Variants in WDR72 observed in about 807,000 individuals in gnomAD.
WDR72 encodes WD repeat-containing protein 72.
In WDR72, 120 loss-of-function variants were observed where a neutral mutation model predicts 124.2. The ratio of observed to expected loss-of-function variants is 0.97; its 90% CI spans 0.83 to 1.12. The LOEUF is 1.12. WDR72 is among the 50% of genes most tolerant of loss of function. WDR72 has a pLI of 0.00. For missense variants in WDR72, 1,387 were observed against 1,278.8 expected (o/e 1.08, Z -1.29); for synonymous variants, 452 against 441.7 (o/e 1.02, Z -0.29).
At chr15:53,653,724 A>G (rs1398322616) in intron 14 of WDR72, among the ~76,000 whole-genome samples, 24 of 152,304 alleles carry the variant, frequency 1.6e-4, no homozygotes. Flanking sequence ...TATTTCATAA[A>G]CAGTTATGTG....
chr15:53,514,611 C>G lies in WDR72; in HGVS notation c.*3088G>C, dbSNP rs1023162584. On this transcript the variant is annotated 3_prime_UTR_variant, in exon 20 of 20. Transcript: ENST00000360509. ...TAATATTTAACAAACTGTATTCTAC[C>G]ATTTTTCTAATACCATCATGTTCAA... 6.6e-6 allele frequency: 1 copy of G among 152,030 alleles called. No individual in the cohort carries two copies. Among genetic ancestry groups the G allele is most frequent in the Non-Finnish European group, 1.5e-5 (1 of 67,996 alleles). The allele number at this position is 152,030 out of a possible 1,614,324, so 9.4% of individuals were successfully genotyped here. A position where few individuals can be genotyped will look rare whatever the true frequency, so the allele number is the denominator to read the frequency against.
chr15:53,760,702 A>G (rs2019046090), upstream of WDR72, among the ~76,000 whole-genome samples: 1 of 152,144 alleles, frequency 6.6e-6, no homozygotes, highest in Middle Eastern at 3.2e-3. Context: ...ATACCTAGCA[A>G]TCGGGTTGCT....
intron 18 of WDR72, among the ~76,000 whole-genome samples, chr15:53,527,714 C>T (rs1906417): frequency 0.86 from 131,289 of 152,002 alleles, 56,740 homozygotes; most frequent in East Asian, 0.91. Flanking sequence ...TAAACCACTG[C>T]AGTACCAGAC....
rs1891451263 is a variant in WDR72, at chr15:53,516,175, G to C, written c.*1524C>G. The stretch of plus-strand genomic sequence containing the variant: ...GATTATTCATATTAATGCTATGTTA[G>C]TTTCTAAACTTCAACTCAAATGTAA... On this transcript the variant is annotated 3_prime_UTR_variant, in exon 20 of 20. Coordinates refer to ENST00000360509, the MANE Select transcript of WDR72 (RefSeq NM_182758.4). 1 of 152,044 alleles carries C rather than the reference G, an allele frequency of 6.6e-6. No homozygotes were observed. Among genetic ancestry groups the C allele is most frequent in the Non-Finnish European group, 1.5e-5 (1 of 67,990 alleles). The allele number at this position is 152,044 out of a possible 1,614,324, so 9.4% of individuals were successfully genotyped here.
intron 18 of WDR72, among the ~76,000 whole-genome samples, chr15:53,548,905 T>G (rs1893607541): frequency 6.6e-6 from 1 of 152,060 alleles, no homozygotes; most frequent in South Asian, 2.1e-4. Flanking sequence ...TTCATCTTCT[T>G]TATATCAACA....
intron 18 of WDR72, among the ~76,000 whole-genome samples, chr15:53,538,399 T>A (rs775084423): frequency 7.2e-5 from 11 of 152,218 alleles, no homozygotes; most frequent in Non-Finnish European, 1.3e-4. Flanking sequence ...AATGCTAGTA[T>A]TGAAACTGAA....
At chr15:53,572,509 G>C (rs1420208343) in intron 18 of WDR72, among the ~76,000 whole-genome samples, 1 of 152,048 alleles carries the variant, frequency 6.6e-6, no homozygotes, top group African/African-American at 2.4e-5. Context: ...AAAATATTTG[G>C]GATCTAGGGC....
intron 14 of WDR72, among the ~76,000 whole-genome samples, chr15:53,624,724 A>G (rs1004257993): frequency 1.3e-5 from 2 of 152,232 alleles, no homozygotes; most frequent in African/African-American, 2.4e-5. Flanking sequence ...CCATTAGAAT[A>G]TAAGTATAAA....
At chr15:53,617,024 T>C (rs1159652969) in intron 14 of WDR72, among the ~76,000 whole-genome samples, 3 of 151,964 alleles carry the variant, frequency 2.0e-5, no homozygotes, top group Non-Finnish European at 4.4e-5. Context: ...TACAAAACAA[T>C]GCTTCTATAC....
At chr15:53,631,566 G>T (rs576155643) in intron 14 of WDR72, among the ~76,000 whole-genome samples, 2 of 152,296 alleles carry the variant, frequency 1.3e-5, no homozygotes, top group South Asian at 4.1e-4. Flanking sequence ...GAAGAAGACA[G>T]GAAGATGAGG....
chr15:53,708,469 T>G (rs1253125870), intron 9 of WDR72, among the ~76,000 whole-genome samples: 1 of 152,192 alleles, frequency 6.6e-6, no homozygotes, highest in Non-Finnish European at 1.5e-5. Flanking sequence ...CCTATTCAAT[T>G]AATTTTAACA....
intron 1 of WDR72, among the ~76,000 whole-genome samples, chr15:53,735,884 A>G (rs2018339490): frequency 6.6e-6 from 1 of 152,074 alleles, no homozygotes; most frequent in East Asian, 1.9e-4. Flanking sequence ...AAAACCTACA[A>G]AAGGTAGACT....
At chr15:53,684,099 C>T (rs533171209) in intron 13 of WDR72, 11 of 152,020 alleles carry the variant, frequency 7.2e-5, no homozygotes, top group African/African-American at 2.4e-4. Flanking sequence ...TCTTTGTATA[C>T]GTTAATATAT....
intron 9 of WDR72, among the ~76,000 whole-genome samples, chr15:53,709,083 C>T (rs1209607189): frequency 2.6e-5 from 4 of 152,210 alleles, no homozygotes; most frequent in African/African-American, 9.7e-5. Flanking sequence ...GCTTACAGAG[C>T]AGTCTTTTCT....
At chr15:53,690,426 T>C (rs73410184) in intron 13 of WDR72, among the ~76,000 whole-genome samples, 3,894 of 152,200 alleles carry the variant, frequency 0.026, 186 homozygotes, top group African/African-American at 0.089. Flanking sequence ...AAGTAATCAT[T>C]CCCCATTCTC....
At chr15:53,570,074 T>C (rs922219846) in intron 18 of WDR72, among the ~76,000 whole-genome samples, 8 of 152,096 alleles carry the variant, frequency 5.3e-5, no homozygotes, top group African/African-American at 1.9e-4. Context: ...AGAATGTATC[T>C]CATGCTTTTG....
rs1337224825 is a variant in WDR72 at position 53,736,698 on chromosome 15, G to C, written c.-12-3537C>G. Among the ~76,000 whole-genome samples the C allele has an allele frequency of 3.3e-5, 5 of 152,152 alleles. No homozygotes were observed. In the East Asian group the frequency reaches 9.7e-4, roughly 29 times the overall value. On this transcript the variant is annotated intron_variant, in intron 1 of 19. Coordinates refer to ENST00000360509, the MANE Select transcript of WDR72 (RefSeq NM_182758.4). ...TGAAAATGTAATCAGATGTAGTAAA[G>C]GAATACAGGGATAAGCAGGATTTTC...
chr15:53,670,403 A>G (rs144008804), intron 13 of WDR72, among the ~76,000 whole-genome samples: 91 of 152,344 alleles, frequency 6.0e-4, no homozygotes, highest in African/African-American at 2.0e-3. Context: ...CAGGATTTTC[A>G]CTTGTACACA....
chr15:53,702,049 T>C (rs1463996656), intron 12 of WDR72, 85 bp downstream of exon 12: 4 of 983,340 alleles, frequency 4.1e-6, no homozygotes, highest in Non-Finnish European at 5.9e-6. Flanking sequence ...TTTGGAAATA[T>C]GGGTCATTTT....
Sources: gnomAD v4.1 joint callset for allele counts (sites outside exome capture counted in the v4.1 genomes callset) on GRCh38, gnomAD v4.1.1 for gene constraint, MANE v1.5 for transcripts, NCBI Gene and HGNC (gene_info 2026-07-23, HGNC 2026-07-21) for gene names.